The following BCAS3 variants were observed in gnomAD, a reference collection of about 807,000 sequenced individuals.
BCAS3 encodes BCAS3 microtubule associated cell migration factor.
BCAS3 carries 53 observed loss-of-function variants against 116.1 expected under a neutral mutation model. The ratio of observed to expected loss-of-function variants is 0.46; its 90% CI spans 0.37 to 0.57. The LOEUF is 0.57. Among genes scored for constraint, BCAS3 ranks in the 20% least tolerant of loss-of-function variants. The probability of loss-of-function intolerance (pLI) is 0.00; values close to 1 mark genes in which losing one functional copy is unlikely to be tolerated. For synonymous variants in BCAS3, 391 were observed against 408.2 expected (o/e 0.96, Z 0.51); for missense variants, 917 against 1,165.4 (o/e 0.79, Z 3.10).
At position 61,220,459 on chromosome 17, in the gene BCAS3, A is replaced by G. The variant is rs1292168194; in HGVS notation, c.2425+135895A>G. On this transcript the variant is annotated intron_variant, in intron 22 of 23. Transcript: ENST00000407086. This position sits in a 1 kb window ranked among gnomAD's most constrained non-coding sequence, Gnocchi z 4.5. ...GCTACTTTGTCAACTTGGTTCCATTATTTGATCTTCAGATTCAACAAAGTA... is the reference window on the plus strand; with the variant it reads ...GCTACTTTGTCAACTTGGTTCCATTGTTTGATCTTCAGATTCAACAAAGTA... 6.6e-6 allele frequency among the ~76,000 whole-genome samples: 1 copy of G among 152,188 alleles called. No individual in the cohort carries two copies. The highest frequency in any genetic ancestry group is 1.5e-5 in the Non-Finnish European group (1 of 68,030).
In BCAS3 at chr17:60,772,606, A is replaced by G. The variant is rs1181470765; in HGVS notation, c.403+25327A>G. 2.6e-5 allele frequency among the ~76,000 whole-genome samples: 4 copies of G among 152,308 alleles called. No homozygotes were observed. In the South Asian group the frequency reaches 6.2e-4, roughly 24 times the overall value. On this transcript the variant is annotated intron_variant, in intron 6 of 23. Transcript: ENST00000407086. ...TAAAAAGGCTTAACATAGGCTGGGC[A>G]TGGTGGCTTACACCTGTAATCCCAG...
rs1384123771 is a variant in BCAS3 at position 61,198,391 on chromosome 17, C to G, written c.2425+113827C>G. 6.6e-6 allele frequency among the ~76,000 whole-genome samples: 1 copy of G among 152,128 alleles called. No homozygotes were observed. The highest frequency in any genetic ancestry group is 1.5e-5 in the Non-Finnish European group (1 of 68,018). ...TCCTGACCTCGTGATCCACCCGCCT[C>G]GGACTCCCAAAGTGCTGGGATTACA... On this transcript the variant is annotated intron_variant, in intron 22 of 23. Transcript: ENST00000407086. The surrounding 1 kb of genome is among the most constrained non-coding windows in gnomAD (Gnocchi z 5.0).
chr17:61,128,639 A>ACTCTG lies in BCAS3; in HGVS notation c.2425+44077_2425+44078insCTGCT. 1 of 960,704 alleles carries ACTCTG rather than the reference A, an allele frequency of 1.0e-6. No homozygotes were observed. The highest frequency in any genetic ancestry group is 1.2e-6 in the Non-Finnish European group (1 of 807,538). 59.5% of individuals were successfully genotyped at this position (960,704 alleles called of 1,614,324 possible). ...TAACCCAGCAGAGTTTGTGACAGAA[A>ACTCTG]CTGTTAGCCCTCTTTTGTATTGTTT... On this transcript the variant is annotated intron_variant, in intron 22 of 23. Coordinates refer to ENST00000407086, the MANE Select transcript of BCAS3 (RefSeq NM_017679.5). This position sits in a 1 kb window ranked among gnomAD's most constrained non-coding sequence, Gnocchi z 4.1.
chr17:61,142,608 T>C (rs1247533328), intron 22 of BCAS3, among the ~76,000 whole-genome samples: 3 of 151,950 alleles, frequency 2.0e-5, no homozygotes, highest in Non-Finnish European at 2.9e-5. Flanking sequence ...TTTGGGGATA[T>C]AGAGGTGAAG....
intron 19 of BCAS3, among the ~76,000 whole-genome samples, chr17:61,054,084 A>G (rs2069133068): frequency 6.6e-6 from 1 of 152,226 alleles, no homozygotes; most frequent in Non-Finnish European, 1.5e-5. Context: ...TAAATGATGG[A>G]CTTAAAGTTT....
chr17:61,265,407 G>GA lies in BCAS3; in HGVS notation c.2426-102907dup, dbSNP rs35341720. On this transcript the variant is annotated intron_variant, in intron 22 of 23. Transcript: ENST00000407086. The surrounding 1 kb of genome is among the most constrained non-coding windows in gnomAD (Gnocchi z 4.3). ...TAACAAGAGTGAAACTCTGTCTCAA[G>GA]AAAAAAAAAAAAAGAAAGCACAGTA... 0.023 allele frequency among the ~76,000 whole-genome samples: 2,872 copies of GA among 125,740 alleles called. 74 individuals are homozygous for GA. The highest frequency in any genetic ancestry group is 0.075 in the African/African-American group (2,539 of 33,996). The allele number at this position is 125,740 out of a possible 152,430, so 82.5% of individuals were successfully genotyped here.
chr17:61,016,536 A>G (rs923655172), intron 16 of BCAS3, among the ~76,000 whole-genome samples: 1 of 152,152 alleles, frequency 6.6e-6, no homozygotes, highest in Admixed American at 6.5e-5. Context: ...TATCACTTCA[A>G]TAGGTTCCTG....
intron 22 of BCAS3, among the ~76,000 whole-genome samples, chr17:61,319,791 C>T (rs1027342573): frequency 1.3e-5 from 2 of 151,906 alleles, no homozygotes; most frequent in African/African-American, 4.8e-5. Context: ...TAGTATGTGT[C>T]TTTGAGGGTA....
At chr17:60,803,958 C>T (rs560594445) in intron 6 of BCAS3, among the ~76,000 whole-genome samples, 31 of 150,772 alleles carry the variant, frequency 2.1e-4, no homozygotes, top group East Asian at 2.0e-3. Flanking sequence ...TGCACCACCA[C>T]GCCCGGCTAA....
At chr17:60,719,664 C>G (rs2039029685) in intron 5 of BCAS3, among the ~76,000 whole-genome samples, 2 of 152,260 alleles carry the variant, frequency 1.3e-5, no homozygotes, top group South Asian at 4.1e-4. Context: ...ATAATTTGGA[C>G]TCGTTGAGAA....
In BCAS3 at chr17:60,964,777, A is replaced by G. The variant is rs1262858623; in HGVS notation, c.1221+17425A>G. On this transcript the variant is annotated intron_variant, in intron 14 of 23. Coordinates refer to ENST00000407086, the MANE Select transcript of BCAS3 (RefSeq NM_017679.5). The surrounding 1 kb of genome is among the most constrained non-coding windows in gnomAD (Gnocchi z 4.6). ...TTCATGATTCAATCTTGGAGGTTGT[A>G]TGTTTCCAGAAATTTATCCATTTCT... 4.6e-5 allele frequency among the ~76,000 whole-genome samples: 7 copies of G among 152,046 alleles called. No homozygotes were observed. The highest frequency in any genetic ancestry group is 1.0e-4 in the Non-Finnish European group (7 of 68,012).
intron 22 of BCAS3, among the ~76,000 whole-genome samples, chr17:61,148,673 C>T (rs2077377969): frequency 6.6e-6 from 1 of 152,182 alleles, no homozygotes; most frequent in Non-Finnish European, 1.5e-5. Context: ...CATAACATCC[C>T]TACAAGATAG....
At chr17:60,710,606 T>C (rs1319701741) in intron 5 of BCAS3, among the ~76,000 whole-genome samples, 5 of 151,722 alleles carry the variant, frequency 3.3e-5, no homozygotes, top group Admixed American at 2.0e-4. Context: ...TAATTTTTTG[T>C]ATTTTTAGTA....
intron 22 of BCAS3, among the ~76,000 whole-genome samples, chr17:61,257,043 G>T (rs1416695440): frequency 2.0e-5 from 3 of 152,010 alleles, no homozygotes; most frequent in Non-Finnish European, 4.4e-5. Flanking sequence ...TTTCCATTTA[G>T]ATCTCAATCT....
intron 14 of BCAS3, among the ~76,000 whole-genome samples, chr17:60,983,160 A>G (rs2062916757): frequency 6.6e-6 from 1 of 152,134 alleles, no homozygotes; most frequent in South Asian, 2.1e-4. Context: ...GTTATTTGTC[A>G]TGATATTCAT....
intron 6 of BCAS3, among the ~76,000 whole-genome samples, chr17:60,786,437 G>A (rs908182841): frequency 2.6e-5 from 4 of 151,876 alleles, no homozygotes; most frequent in Admixed American, 1.3e-4. Context: ...TAGGAGGATC[G>A]CTTGAGCCTG....
At position 61,347,691 on chromosome 17, in the gene BCAS3, T is replaced by C. The variant is rs553320624; in HGVS notation, c.2426-20636T>C. Among the ~76,000 whole-genome samples the C allele has an allele frequency of 5.3e-5, 8 of 152,344 alleles. No homozygotes were observed. Among genetic ancestry groups the C allele is most frequent in the African/African-American group, 9.6e-5 (4 of 41,576 alleles). On this transcript the variant is annotated intron_variant, in intron 22 of 23. Transcript: ENST00000407086. This position sits in a 1 kb window ranked among gnomAD's most constrained non-coding sequence, Gnocchi z 4.3. ...GACATCTGTTTTGTCTGTTGTGGAATTGGTGACTCTAGGTGCTATGTGAAG... is the reference window on the plus strand; with the variant it reads ...GACATCTGTTTTGTCTGTTGTGGAACTGGTGACTCTAGGTGCTATGTGAAG...
At chr17:60,739,210 A>G (rs571471282) in intron 5 of BCAS3, among the ~76,000 whole-genome samples, 4 of 152,242 alleles carry the variant, frequency 2.6e-5, no homozygotes, top group Non-Finnish European at 5.9e-5. Flanking sequence ...TCACATATGC[A>G]TAAGTGCATA....
intron 15 of BCAS3, among the ~76,000 whole-genome samples, chr17:60,999,001 A>G (rs1370399649): frequency 6.6e-6 from 1 of 152,140 alleles, no homozygotes; most frequent in East Asian, 1.9e-4. Flanking sequence ...TGTGGTGAGT[A>G]GGTAGGAGCC....
Sources: gnomAD v4.1 joint callset for allele counts (sites outside exome capture counted in the v4.1 genomes callset) on GRCh38, gnomAD v4.1.1 for gene constraint, Gnocchi (gnomAD v3.1) non-coding constraint, MANE v1.5 for transcripts, NCBI Gene and HGNC (gene_info 2026-07-23, HGNC 2026-07-21) for gene names.